The following PROX1 variants were observed in gnomAD, a reference collection of about 807,000 sequenced individuals.
PROX1 encodes the protein prospero homeobox protein 1.
A neutral mutation model predicts 58.8 loss-of-function variants in PROX1; 7 were observed. The ratio of observed to expected loss-of-function variants is 0.12; its 90% CI spans 0.07 to 0.22. The LOEUF is 0.22. PROX1 is among the 10% of genes least tolerant of loss of function. The pLI is 1.00. For synonymous variants in PROX1, 350 were observed against 358.3 expected (o/e 0.98, Z 0.26); for missense variants, 675 against 927.8 (o/e 0.73, Z 3.54).
In PROX1 at chr1:214,005,206, G is replaced by A. The variant is rs1252855929; in HGVS notation, c.1767G>A (p.Lys589=). 4 of 1,614,054 alleles carry A rather than the reference G, an allele frequency of 2.5e-6. No homozygotes were observed. The South Asian group carries it at 4.4e-5, about 18-fold the overall frequency. ...GLSPNHLKKA[K]LMFFYTRYPS... is the part of the protein sequence containing the mutation. ...CACCCAATCACTTGAAAAAAGCAAA[G>A]CTCATGTTTTTTTATACCCGTTATC... Residue 589 remains lysine, a synonymous_variant, in exon 3 of 5, where the codon AAG becomes AAA. Coordinates refer to ENST00000366958, the MANE Select transcript of PROX1 (RefSeq NM_001270616.2).
At chr1:214,016,784 G>A (rs897762391) in intron 4 of PROX1, among the ~76,000 whole-genome samples, 11 of 152,164 alleles carry the variant, frequency 7.2e-5, no homozygotes, top group South Asian at 2.1e-4. Context: ...AATTCTATGC[G>A]TGCATGAGGC....
chr1:214,031,251 A>G (rs1313619880), intron 4 of PROX1, among the ~76,000 whole-genome samples: 2 of 152,138 alleles, frequency 1.3e-5, no homozygotes, highest in Admixed American at 6.5e-5. Context: ...AAATTTATGC[A>G]TATCTTCAAG....
rs1662872117 is a variant in PROX1, at chr1:213,988,037, G to A, written c.-514G>A. Reference sequence around the variant, plus strand: ...GGGGAAAGCAGAGCGGCGCAAAAGAGCTCTCGCCGGGTCCGCCTGCTCCCT... The same window carrying A: ...GGGGAAAGCAGAGCGGCGCAAAAGAACTCTCGCCGGGTCCGCCTGCTCCCT... On this transcript the variant is annotated 5_prime_UTR_variant, in exon 1 of 5. Coordinates refer to ENST00000366958, the MANE Select transcript of PROX1 (RefSeq NM_001270616.2). 1 of 151,866 alleles carries A rather than the reference G, an allele frequency of 6.6e-6. No individual in the cohort carries two copies. Among genetic ancestry groups the A allele is most frequent in the African/African-American group, 2.4e-5 (1 of 41,290 alleles). The allele number at this position is 151,866 out of a possible 1,614,324, so 9.4% of individuals were successfully genotyped here.
rs1662885985 is a variant in PROX1 at position 213,988,380 on chromosome 1, G to A, written c.-171G>A. The A allele has an allele frequency of 2.8e-5, 4 of 143,972 alleles. 1 individual carries two copies. The South Asian group carries it at 7.3e-4, about 26-fold the overall frequency. The allele number at this position is 143,972 out of a possible 1,614,324, so 8.9% of individuals were successfully genotyped here. A position where few individuals can be genotyped will look rare whatever the true frequency, so the allele number is the denominator to read the frequency against. ...AAGATATCACCGTGTGTGCACTCGC[G>A]TGTTTTCCTCTCTCTGCCGGGGGAA... is the stretch of plus-strand genomic sequence containing the variant. On this transcript the variant is annotated 5_prime_UTR_variant, in exon 1 of 5. The change creates a new upstream start codon in the 5' untranslated region. Transcript: ENST00000366958.
At chr1:214,031,198 A>C (rs759913713) in intron 4 of PROX1, among the ~76,000 whole-genome samples, 23 of 152,170 alleles carry the variant, frequency 1.5e-4, no homozygotes, top group Admixed American at 6.5e-5. Context: ...AGGAGACTCA[A>C]GTCTGTGATG....
At chr1:214,034,057 A>T (rs1243308073) in intron 4 of PROX1, among the ~76,000 whole-genome samples, 4 of 152,228 alleles carry the variant, frequency 2.6e-5, no homozygotes, top group African/African-American at 9.6e-5. Flanking sequence ...AGGGTCTGAT[A>T]AAAATGTAAG....
intron 1 of PROX1, among the ~76,000 whole-genome samples, chr1:213,990,294 T>C (rs2102678581): frequency 6.6e-6 from 1 of 152,014 alleles, no homozygotes; most frequent in Admixed American, 6.5e-5. Flanking sequence ...TCTGTGTGTG[T>C]CTGTACAGCT....
chr1:213,996,789 T>G lies in PROX1; in HGVS notation c.254T>G (p.Met85Arg). ...KRANSYEDAM[M>R]PFPGATIISQ... is the part of the protein sequence containing the mutation. ...GCGAACTCGTATGAAGATGCCATGATGCCTTTTCCAGGAGCAACCATAATT... is the reference window on the plus strand; with the variant it reads ...GCGAACTCGTATGAAGATGCCATGAGGCCTTTTCCAGGAGCAACCATAATT... Residue 85 changes from methionine to arginine, a missense_variant, in exon 2 of 5, where the codon ATG (methionine) becomes AGG (arginine). Physicochemically the swap from Met to Arg is moderately conservative, Grantham distance 91. Around this residue, in one of 8 missense-constraint regions of PROX1, gnomAD observed 157 missense variants for 197.8 expected, o/e 0.79. Transcript: ENST00000366958. The G allele has an allele frequency of 1.2e-6, 2 of 1,614,192 alleles. No individual in the cohort carries two copies. Among genetic ancestry groups the G allele is most frequent in the Non-Finnish European group, 1.7e-6 (2 of 1,180,040 alleles).
At chr1:214,021,864 C>A (rs1369344679) in intron 4 of PROX1, among the ~76,000 whole-genome samples, 1 of 152,216 alleles carries the variant, frequency 6.6e-6, no homozygotes, top group Non-Finnish European at 1.5e-5. Context: ...CCACCCTGCC[C>A]TCCAGATGTT....
At chr1:213,994,921 A>G (rs1571799668) in intron 1 of PROX1, among the ~76,000 whole-genome samples, 1 of 151,626 alleles carries the variant, frequency 6.6e-6, no homozygotes, top group East Asian at 1.9e-4. Flanking sequence ...TTAAAAAAAT[A>G]TACATATTGT....
intron 2 of PROX1, among the ~76,000 whole-genome samples, chr1:213,998,836 G>C (rs1293621113): frequency 6.6e-6 from 1 of 152,026 alleles, no homozygotes; most frequent in African/African-American, 2.4e-5. Flanking sequence ...AAATGGATGT[G>C]GGTGGGGAGT....
intron 2 of PROX1, 101 bp from the exon 3 acceptor site, chr1:214,005,064 C>A: frequency 1.1e-6 from 1 of 884,696 alleles, no homozygotes; most frequent in Non-Finnish European, 1.8e-6. Flanking sequence ...CCCACCGCAG[C>A]TTGATGGACC....
chr1:214,035,938 G>C lies in PROX1; in HGVS notation c.*104G>C. ...GATTTCATATATATGTGTATGGGAG[G>C]CATGGATATGTTATGAAATCAGCTG... On this transcript the variant is annotated 3_prime_UTR_variant, in exon 5 of 5. Transcript: ENST00000366958. 1 of 945,176 alleles carries C rather than the reference G, an allele frequency of 1.1e-6. No individual in the cohort carries two copies. The highest frequency in any genetic ancestry group is 3.4e-5 in the Admixed American group (1 of 29,566). The allele number at this position is 945,176 out of a possible 1,614,324, so 58.5% of individuals were successfully genotyped here. A position where few individuals can be genotyped will look rare whatever the true frequency, so the allele number is the denominator to read the frequency against.
At chr1:213,999,853 A>G (rs1427791357) in intron 2 of PROX1, among the ~76,000 whole-genome samples, 3 of 152,196 alleles carry the variant, frequency 2.0e-5, no homozygotes, top group Non-Finnish European at 4.4e-5. Flanking sequence ...GCTGTTGGTG[A>G]TGAGAAAGGC....
At chr1:213,986,956 G>A (rs1662838058), upstream of PROX1, among the ~76,000 whole-genome samples, 1 of 152,154 alleles carries the variant, frequency 6.6e-6, no homozygotes, top group Non-Finnish European at 1.5e-5. Flanking sequence ...TTATTTTAGA[G>A]CCTGCGATTT....
chr1:214,007,625 G>A (rs933554811), intron 3 of PROX1, among the ~76,000 whole-genome samples: 1 of 152,110 alleles, frequency 6.6e-6, no homozygotes, highest in Non-Finnish European at 1.5e-5. Flanking sequence ...TCAATATTAA[G>A]GATAATCACA....
intron 1 of PROX1, among the ~76,000 whole-genome samples, chr1:213,993,369 T>A (rs1016604704): frequency 6.6e-6 from 1 of 152,166 alleles, no homozygotes; most frequent in African/African-American, 2.4e-5. Flanking sequence ...TCAATAATAA[T>A]TGCAGGTGAA....
chr1:214,016,627 A>G (rs1273295397), intron 4 of PROX1, among the ~76,000 whole-genome samples: 1 of 152,248 alleles, frequency 6.6e-6, no homozygotes, highest in African/African-American at 2.4e-5. Context: ...AAGAGATCAA[A>G]TGAATGTTCT....
At chr1:214,012,057 C>G (rs1663928568) in intron 4 of PROX1, among the ~76,000 whole-genome samples, 1 of 152,088 alleles carries the variant, frequency 6.6e-6, no homozygotes, top group African/African-American at 2.4e-5. Context: ...TCCAATAGAC[C>G]TTTTTCATAT....
Sources: allele counts gnomAD v4.1 joint callset (sites outside exome capture counted in the v4.1 genomes callset), GRCh38; gene constraint gnomAD v4.1.1; regional missense constraint gnomAD v4.1.1; transcripts MANE v1.5; gene names NCBI Gene and HGNC (gene_info 2026-07-23, HGNC 2026-07-21).